WWOX: variants seen among roughly 807,000 people sequenced by gnomAD.
WWOX encodes WW domain containing oxidoreductase.
Under a neutral mutation model 46.2 loss-of-function variants are expected in WWOX, and 69 were observed. The ratio of observed to expected loss-of-function variants is 1.49; its 90% CI spans 1.23 to 1.82. WWOX has a LOEUF of 1.82. Among genes scored for constraint, WWOX ranks in the 40% most tolerant of loss-of-function variants. WWOX has a pLI of 0.00. For synonymous variants in WWOX, 359 were observed against 202.6 expected (o/e 1.77, Z -6.56); for missense variants, 919 against 542.6 (o/e 1.69, Z -6.89).
intron 8 of WWOX, among the ~76,000 whole-genome samples, chr16:78,869,310 G>A (rs879933816): frequency 6.6e-6 from 1 of 152,096 alleles, no homozygotes; most frequent in African/African-American, 2.4e-5. Context: ...TCCGAGAGTT[G>A]GTTGTGATTA....
chr16:78,331,836 C>A (rs550460161), intron 5 of WWOX, among the ~76,000 whole-genome samples: 1 of 152,292 alleles, frequency 6.6e-6, no homozygotes, highest in South Asian at 2.1e-4. Context: ...TTTAATTCTT[C>A]CAACAACGTG....
intron 8 of WWOX, among the ~76,000 whole-genome samples, chr16:78,835,280 G>T (rs1255418656): frequency 6.6e-6 from 1 of 152,072 alleles, no homozygotes; most frequent in East Asian, 1.9e-4. Flanking sequence ...TACTATTTTA[G>T]TCTGTAGCTT....
At chr16:78,554,768 G>T (rs1183125116) in intron 8 of WWOX, among the ~76,000 whole-genome samples, 2 of 152,102 alleles carry the variant, frequency 1.3e-5, no homozygotes, top group Non-Finnish European at 2.9e-5. Flanking sequence ...CTCTATTTCT[G>T]AGTCACGTGG....
intron 8 of WWOX, among the ~76,000 whole-genome samples, chr16:78,732,650 G>T (rs1402059089): frequency 6.6e-6 from 1 of 152,062 alleles, no homozygotes; most frequent in African/African-American, 2.4e-5. Context: ...AATTAAAACT[G>T]TATACTTAAC....
intron 8 of WWOX, among the ~76,000 whole-genome samples, chr16:79,155,048 C>T (rs1247964288): frequency 6.6e-6 from 1 of 152,190 alleles, no homozygotes; most frequent in Non-Finnish European, 1.5e-5. Context: ...GTTCTAGATT[C>T]TTCTAGATTC....
intron 8 of WWOX, among the ~76,000 whole-genome samples, chr16:78,943,176 C>T (rs187852952): frequency 5.9e-5 from 9 of 152,192 alleles, no homozygotes; most frequent in Non-Finnish European, 1.2e-4. Context: ...TGAGTGCTTT[C>T]TATATGATGT....
chr16:78,226,532 C>T (rs2037065611), intron 5 of WWOX, among the ~76,000 whole-genome samples: 1 of 135,744 alleles, frequency 7.4e-6, no homozygotes, highest in Non-Finnish European at 1.6e-5. Flanking sequence ...TCTCCTTCTC[C>T]TCCTCCTCCT....
chr16:78,189,964 C>T (rs900268983), intron 5 of WWOX, among the ~76,000 whole-genome samples: 1 of 152,088 alleles, frequency 6.6e-6, no homozygotes, highest in African/African-American at 2.4e-5. Flanking sequence ...TCAAATCCTT[C>T]TTACTTTTCC....
rs34730954 is a variant in WWOX, at chr16:78,318,272, A to ATTTTTTTTTTTTT, written c.517-68583_517-68571dup. On this transcript the variant is annotated intron_variant, in intron 5 of 8. Coordinates refer to ENST00000566780, the MANE Select transcript of WWOX (RefSeq NM_016373.4). ...CTTAGGAGCCCTCCGTCTGGGAGGA[A>ATTTTTTTTTTTTT]TTTTTTTTTTTTTTTTTGGTATATC... 2.2e-3 allele frequency among the ~76,000 whole-genome samples: 273 copies of ATTTTTTTTTTTTT among 123,458 alleles called. 4 individuals are homozygous for ATTTTTTTTTTTTT. Among genetic ancestry groups the ATTTTTTTTTTTTT allele is most frequent in the Non-Finnish European group, 3.1e-3 (192 of 61,012 alleles). The allele number at this position is 123,458 out of a possible 152,430, so 81.0% of individuals were successfully genotyped here.
intron 8 of WWOX, among the ~76,000 whole-genome samples, chr16:79,011,413 T>G (rs1411109066): frequency 6.6e-6 from 1 of 151,960 alleles, no homozygotes; most frequent in Non-Finnish European, 1.5e-5. Flanking sequence ...AGAATTCCCT[T>G]GCATTTGGTT....
intron 8 of WWOX, among the ~76,000 whole-genome samples, chr16:79,161,102 A>G (rs962590941): frequency 7.2e-5 from 11 of 152,238 alleles, no homozygotes; most frequent in African/African-American, 2.7e-4. Context: ...TGTTTAACAC[A>G]GACCTCATGA....
intron 8 of WWOX, among the ~76,000 whole-genome samples, chr16:78,735,546 A>G (rs963312587): frequency 6.6e-6 from 1 of 152,198 alleles, no homozygotes; most frequent in Non-Finnish European, 1.5e-5. Flanking sequence ...TTTTATACTC[A>G]GCCATACAGA....
At chr16:78,984,092 A>G (rs1038437030) in intron 8 of WWOX, among the ~76,000 whole-genome samples, 8 of 151,846 alleles carry the variant, frequency 5.3e-5, no homozygotes, top group Admixed American at 4.6e-4. Flanking sequence ...CTTAGCCAGG[A>G]TGGTCTCGAT....
chr16:78,772,216 C>G (rs2050081291), intron 8 of WWOX, among the ~76,000 whole-genome samples: 1 of 152,148 alleles, frequency 6.6e-6, no homozygotes, highest in Non-Finnish European at 1.5e-5. Flanking sequence ...CAGGCAGGCC[C>G]CAGTGTCTGT....
intron 8 of WWOX, among the ~76,000 whole-genome samples, chr16:79,068,945 C>G (rs1193263903): frequency 1.3e-5 from 2 of 152,056 alleles, no homozygotes; most frequent in Non-Finnish European, 2.9e-5. Context: ...GATTCCCAGC[C>G]AAACATTTCA....
intron 8 of WWOX, among the ~76,000 whole-genome samples, chr16:78,575,015 AT>A (rs1282372887): frequency 6.9e-4 from 8 of 11,638 alleles, no homozygotes; most frequent in African/African-American, 4.3e-3. Context: ...ATATATATAT[AT>A]ATATAAATAT....
intron 5 of WWOX, among the ~76,000 whole-genome samples, chr16:78,369,866 C>G (rs933976689): frequency 3.3e-5 from 5 of 152,090 alleles, no homozygotes; most frequent in African/African-American, 9.7e-5. Context: ...CGCACAATGG[C>G]TCATGCCTGT....
intron 4 of WWOX, among the ~76,000 whole-genome samples, chr16:78,116,032 G>A (rs1427071798): frequency 3.3e-5 from 5 of 151,952 alleles, no homozygotes; most frequent in Non-Finnish European, 7.4e-5. Flanking sequence ...GGTATATAAA[G>A]GTGTCTATAT....
At chr16:78,214,249 G>C (rs139938333) in intron 5 of WWOX, among the ~76,000 whole-genome samples, 2 of 152,298 alleles carry the variant, frequency 1.3e-5, no homozygotes, top group African/African-American at 4.8e-5. Flanking sequence ...AGATCAGACC[G>C]AGGGGTCCTA....
Sources: gnomAD v4.1 joint callset for allele counts (sites outside exome capture counted in the v4.1 genomes callset) on GRCh38, gnomAD v4.1.1 for gene constraint, MANE v1.5 for transcripts, NCBI Gene and HGNC (gene_info 2026-07-23, HGNC 2026-07-21) for gene names.